The following RBMS3 variants were observed in gnomAD, a reference collection of about 807,000 sequenced individuals.
RBMS3 encodes the protein RNA-binding motif, single-stranded-interacting protein 3.
RBMS3 carries 27 observed loss-of-function variants against 66.8 expected under a neutral mutation model. The ratio of observed to expected loss-of-function variants is 0.40; its 90% confidence interval spans 0.30 to 0.56. The LOEUF is 0.56. Ranked by LOEUF, RBMS3 falls within the 20% of genes least tolerant of loss-of-function variation. The probability of loss-of-function intolerance (pLI) is 0.40; values close to 1 mark genes in which losing one functional copy is unlikely to be tolerated. For missense variants in RBMS3, 513 were observed against 549.5 expected (o/e 0.93, Z 0.66); for synonymous variants, 188 against 183.0 (o/e 1.03, Z -0.22).
chr3:29,498,739 C>T lies in RBMS3; in HGVS notation c.307+10240C>T, dbSNP rs553102822. ...GGAACCATGTTTGTTATATGCCGGG[C>T]ACATACATCAGGCAAATGTTTCTAT... On this transcript the variant is annotated intron_variant, in intron 3 of 14. Coordinates refer to ENST00000383767, the MANE Select transcript of RBMS3 (RefSeq NM_001003793.3). Among the ~76,000 whole-genome samples, 153 of 152,242 alleles carry T rather than the reference C, an allele frequency of 1.0e-3. 1 individual carries two copies. The highest frequency in any genetic ancestry group is 2.0e-3 in the Non-Finnish European group (134 of 68,020).
chr3:29,366,368 ATG>A lies in RBMS3; in HGVS notation c.76-68371_76-68370del, dbSNP rs797019222. Among the ~76,000 whole-genome samples, 18 of 152,258 alleles carry A rather than the reference ATG, an allele frequency of 1.2e-4. 1 individual carries two copies. Among genetic ancestry groups the A allele is most frequent in the African/African-American group, 4.1e-4 (17 of 41,554 alleles). ...ATCCTAAGGAACAATGCCTCCAAAT[ATG>A]TGTTTCTGAATCCTTTTTTTGTTTG... On this transcript the variant is annotated intron_variant, in intron 1 of 14. Coordinates refer to ENST00000383767, the MANE Select transcript of RBMS3 (RefSeq NM_001003793.3).
chr3:29,994,112 C>G (rs920753285), intron 14 of RBMS3, among the ~76,000 whole-genome samples: 1 of 152,204 alleles, frequency 6.6e-6, no homozygotes, highest in Non-Finnish European at 1.5e-5. Context: ...CATTGCCTCA[C>G]TTGGGAAGCG....
At chr3:29,505,586 A>T (rs2044154026) in intron 3 of RBMS3, among the ~76,000 whole-genome samples, 1 of 150,148 alleles carries the variant, frequency 6.7e-6, no homozygotes, top group Non-Finnish European at 1.5e-5. Context: ...GTTCCATATG[A>T]ATTTTAGGAC....
At chr3:29,645,426 G>C (rs2049882481) in intron 4 of RBMS3, among the ~76,000 whole-genome samples, 1 of 152,120 alleles carries the variant, frequency 6.6e-6, no homozygotes, top group East Asian at 1.9e-4. Flanking sequence ...AGGACAGAAG[G>C]GTCTTTGTAT....
intron 2 of RBMS3, among the ~76,000 whole-genome samples, chr3:29,459,607 G>A (rs771068782): frequency 1.6e-4 from 25 of 152,158 alleles, no homozygotes; most frequent in Non-Finnish European, 2.6e-4. Flanking sequence ...GCTCGTTTAA[G>A]CCTCTGTCAT....
At chr3:29,651,372 A>G (rs538524844) in intron 4 of RBMS3, among the ~76,000 whole-genome samples, 2 of 152,312 alleles carry the variant, frequency 1.3e-5, no homozygotes, top group South Asian at 2.1e-4. Flanking sequence ...GGAACTCAGG[A>G]GTGTCTAACG....
At chr3:29,823,098 C>G (rs902342830) in intron 6 of RBMS3, among the ~76,000 whole-genome samples, 1 of 151,956 alleles carries the variant, frequency 6.6e-6, no homozygotes, top group African/African-American at 2.4e-5. Context: ...TTAAAAATTA[C>G]TTTTATTAAA....
chr3:29,355,810 CA>C (rs1249103824), intron 1 of RBMS3, among the ~76,000 whole-genome samples: 2 of 151,878 alleles, frequency 1.3e-5, no homozygotes, highest in African/African-American at 4.8e-5. Flanking sequence ...CTGCACAAAA[CA>C]AAAAAGCACA....
chr3:29,315,840 CATCTCTACCCT>C (rs1291494839), intron 1 of RBMS3, among the ~76,000 whole-genome samples: 7 of 151,718 alleles, frequency 4.6e-5, no homozygotes, highest in African/African-American at 1.5e-4. Context: ...AGGCTAAATG[CATCTCTACCCT>C]ACCACTATCA....
At chr3:29,368,452 C>G (rs2038022597) in intron 1 of RBMS3, among the ~76,000 whole-genome samples, 1 of 151,590 alleles carries the variant, frequency 6.6e-6, no homozygotes, top group Non-Finnish European at 1.5e-5. Context: ...TCTAGTGGCA[C>G]TTAATAGGTA....
chr3:29,466,941 T>C (rs1042209230), intron 2 of RBMS3, among the ~76,000 whole-genome samples: 4 of 152,310 alleles, frequency 2.6e-5, no homozygotes, highest in African/African-American at 9.6e-5. Context: ...CCCTAAGTCT[T>C]TATGCACATA....
At chr3:29,767,331 C>T (rs1195706008) in intron 6 of RBMS3, 2 of 151,116 alleles carry the variant, frequency 1.3e-5, no homozygotes, top group African/African-American at 4.9e-5. Context: ...AGCACGTGCT[C>T]CTATCAGTGG....
At chr3:29,373,323 C>A (rs2038303923) in intron 1 of RBMS3, among the ~76,000 whole-genome samples, 1 of 152,148 alleles carries the variant, frequency 6.6e-6, no homozygotes, top group African/African-American at 2.4e-5. Flanking sequence ...TTGGTCATGC[C>A]AAGGATAATC....
chr3:29,338,999 C>T (rs1203324899), intron 1 of RBMS3, among the ~76,000 whole-genome samples: 2 of 152,240 alleles, frequency 1.3e-5, no homozygotes, highest in South Asian at 2.1e-4. Context: ...TACTAATTGT[C>T]ATCTTTGCTA....
chr3:29,800,307 G>A (rs2057349405), intron 6 of RBMS3, among the ~76,000 whole-genome samples: 1 of 152,030 alleles, frequency 6.6e-6, no homozygotes, highest in African/African-American at 2.4e-5. Flanking sequence ...GAGGGAAGGG[G>A]TGGAGACAAA....
intron 4 of RBMS3, among the ~76,000 whole-genome samples, chr3:29,652,779 C>T (rs939486323): frequency 3.9e-5 from 6 of 152,096 alleles, no homozygotes; most frequent in Non-Finnish European, 7.4e-5. Flanking sequence ...TTTTACCAAG[C>T]CACATGCTCT....
At chr3:29,341,225 T>C (rs1269921470) in intron 1 of RBMS3, among the ~76,000 whole-genome samples, 1 of 152,070 alleles carries the variant, frequency 6.6e-6, no homozygotes, top group African/African-American at 2.4e-5. Context: ...AACTGACAAG[T>C]GGTAATTGCA....
intron 6 of RBMS3, among the ~76,000 whole-genome samples, chr3:29,856,804 T>C (rs933302821): frequency 1.3e-5 from 2 of 152,184 alleles, no homozygotes; most frequent in African/African-American, 4.8e-5. Context: ...CCAAGTTATT[T>C]ATTTATTTTT....
intron 12 of RBMS3, 132 bp downstream of exon 12, chr3:29,944,386 A>G: frequency 2.9e-6 from 2 of 694,468 alleles, no homozygotes. Flanking sequence ...CCAGTTTGCA[A>G]GGGGGCATGT....
Sources: allele counts gnomAD v4.1 joint callset (sites outside exome capture counted in the v4.1 genomes callset), GRCh38; gene constraint gnomAD v4.1.1; transcripts MANE v1.5; gene names NCBI Gene and HGNC (gene_info 2026-07-23, HGNC 2026-07-21).